The following PDE4D variants were observed in gnomAD, a reference collection of about 807,000 sequenced individuals.
The protein encoded by PDE4D is 3',5'-cyclic-AMP phosphodiesterase 4D.
In PDE4D, 24 loss-of-function variants were observed where a neutral mutation model predicts 87.4. The observed-to-expected ratio is 0.27, with a 90% CI of 0.20 to 0.39. PDE4D has a LOEUF of 0.39. Ranked by LOEUF, PDE4D falls within the 10% of genes least tolerant of loss-of-function variation. The pLI, the probability that PDE4D is intolerant of heterozygous loss-of-function variation, is 1.00. For synonymous variants in PDE4D, 384 were observed against 383.2 expected (o/e 1.00, Z -0.02); for missense variants, 714 against 1,041.0 (o/e 0.69, Z 4.32).
At chr5:59,068,462 C>G (rs1764258046) in intron 5 of PDE4D, among the ~76,000 whole-genome samples, 2 of 152,258 alleles carry the variant, frequency 1.3e-5, no homozygotes, top group Admixed American at 1.3e-4. Context: ...CTGACAGATG[C>G]TGGATTCAGT....
At chr5:59,391,974 A>T (rs1043163466) in intron 1 of PDE4D, among the ~76,000 whole-genome samples, 1 of 148,712 alleles carries the variant, frequency 6.7e-6, no homozygotes, top group Non-Finnish European at 1.5e-5. Flanking sequence ...TATATATATA[A>T]TATATAAATT....
chr5:59,374,559 G>C (rs971807663), intron 1 of PDE4D, among the ~76,000 whole-genome samples: 9 of 152,122 alleles, frequency 5.9e-5, no homozygotes, highest in African/African-American at 7.2e-5. Flanking sequence ...AAGAGACCTA[G>C]ACTCCCACAC....
At chr5:59,042,067 A>C (rs1400113934) in intron 5 of PDE4D, among the ~76,000 whole-genome samples, 1 of 152,266 alleles carries the variant, frequency 6.6e-6, no homozygotes, top group Non-Finnish European at 1.5e-5. Context: ...ATAAATAAGA[A>C]AAATGAAAAA....
intron 1 of PDE4D, among the ~76,000 whole-genome samples, chr5:59,426,792 A>C (rs528773443): frequency 7.5e-6 from 1 of 132,666 alleles, no homozygotes; most frequent in Non-Finnish European, 1.5e-5. Context: ...CATTTTGATT[A>C]AAAAAAAATG....
intron 1 of PDE4D, among the ~76,000 whole-genome samples, chr5:59,376,347 G>T (rs1047746683): frequency 6.6e-6 from 1 of 152,052 alleles, no homozygotes; most frequent in Non-Finnish European, 1.5e-5. Context: ...TTCAGGATAT[G>T]AAATTAATGT....
At chr5:58,991,652 C>G (rs1232062193) in intron 8 of PDE4D, among the ~76,000 whole-genome samples, 180 bp downstream of exon 8, 1 of 151,736 alleles carries the variant, frequency 6.6e-6, no homozygotes, top group Non-Finnish European at 1.5e-5. Context: ...TAAAACATAC[C>G]AAACCACCTG....
intron 1 of PDE4D, among the ~76,000 whole-genome samples, chr5:59,725,541 T>C (rs981895967): frequency 1.3e-5 from 2 of 152,136 alleles, no homozygotes; most frequent in Non-Finnish European, 2.9e-5. Context: ...GAGAGAGAAC[T>C]GTAAATCTCT....
intron 2 of PDE4D, among the ~76,000 whole-genome samples, chr5:59,214,077 C>CACA (rs914634790): frequency 5.0e-5 from 7 of 140,012 alleles, no homozygotes; most frequent in African/African-American, 1.9e-4. Flanking sequence ...CACACACACA[C>CACA]AACCATTCTA....
intron 5 of PDE4D, among the ~76,000 whole-genome samples, chr5:59,087,314 G>T (rs1229013731): frequency 6.6e-6 from 1 of 151,990 alleles, no homozygotes; most frequent in East Asian, 1.9e-4. Context: ...GGGAGACCTT[G>T]TCTCTACAAA....
intron 1 of PDE4D, among the ~76,000 whole-genome samples, chr5:59,625,922 A>T (rs1443634092): frequency 6.6e-6 from 1 of 152,012 alleles, no homozygotes; most frequent in African/African-American, 2.4e-5. Flanking sequence ...CTACTAAAAA[A>T]ACAAAAATAC....
intron 5 of PDE4D, among the ~76,000 whole-genome samples, chr5:59,076,873 C>A (rs569683464): frequency 6.6e-6 from 1 of 152,186 alleles, no homozygotes; most frequent in South Asian, 2.1e-4. Flanking sequence ...ATCAATAATC[C>A]AGTATTTCAA....
At chr5:59,131,298 T>C (rs980301280) in intron 5 of PDE4D, among the ~76,000 whole-genome samples, 1 of 152,114 alleles carries the variant, frequency 6.6e-6, no homozygotes, top group East Asian at 1.9e-4. Flanking sequence ...TGACTATATT[T>C]TTCACTTTCG....
At chr5:59,058,802 TAA>T (rs1762715378) in intron 5 of PDE4D, among the ~76,000 whole-genome samples, 1 of 152,118 alleles carries the variant, frequency 6.6e-6, no homozygotes, top group South Asian at 2.1e-4. Context: ...TCCGTAAGTT[TAA>T]GTCTTCCTTT....
At chr5:59,854,217 T>C (rs548498700) in intron 1 of PDE4D, among the ~76,000 whole-genome samples, 3 of 152,186 alleles carry the variant, frequency 2.0e-5, no homozygotes, top group African/African-American at 4.8e-5. Flanking sequence ...GGAGATGGCA[T>C]CTTGGTTGTT....
chr5:59,967,156 C>T (rs1760139978), intron 3 of PDE4D, among the ~76,000 whole-genome samples: 2 of 152,076 alleles, frequency 1.3e-5, no homozygotes, highest in African/African-American at 4.8e-5. Flanking sequence ...GCTTATGTCA[C>T]TCTCAGATAA....
At chr5:60,063,162 G>A (rs5014451) in intron 2 of PDE4D, among the ~76,000 whole-genome samples, 4,097 of 104,266 alleles carry the variant, frequency 0.039, 82 homozygotes, top group East Asian at 0.24. Flanking sequence ...AAGAAGGAAA[G>A]AAAGAAAGAA....
chr5:60,480,101 T>C (rs1480159294), intron 1 of PDE4D, among the ~76,000 whole-genome samples: 2 of 152,124 alleles, frequency 1.3e-5, no homozygotes, highest in Non-Finnish European at 2.9e-5. Context: ...TCCCTTCATG[T>C]CCTCTTAATT....
chr5:59,075,894 C>T (rs1211604092), intron 5 of PDE4D, among the ~76,000 whole-genome samples: 1 of 151,994 alleles, frequency 6.6e-6, no homozygotes, highest in Non-Finnish European at 1.5e-5. Context: ...TTTAACCTAA[C>T]ATATTTTCTG....
intron 1 of PDE4D, among the ~76,000 whole-genome samples, chr5:59,409,206 G>C (rs1010847444): frequency 1.3e-5 from 2 of 151,730 alleles, no homozygotes; most frequent in Non-Finnish European, 2.9e-5. Context: ...ATTGTACCTT[G>C]GCTTGGAAGT....
Sources: allele counts gnomAD v4.1 joint callset (sites outside exome capture counted in the v4.1 genomes callset), GRCh38; gene constraint gnomAD v4.1.1; transcripts MANE v1.5; gene names NCBI Gene and HGNC (gene_info 2026-07-23, HGNC 2026-07-21).